Variants in RAI14 observed in about 807,000 individuals in gnomAD.
RAI14 encodes ankycorbin.
A neutral mutation model predicts 115.4 loss-of-function variants in RAI14; 45 were observed. The ratio of observed to expected loss-of-function variants is 0.39; its 90% confidence interval spans 0.31 to 0.50. The LOEUF is 0.50. Among genes scored for constraint, RAI14 ranks in the 20% least tolerant of loss-of-function variants. The pLI, the probability that RAI14 is intolerant of heterozygous loss-of-function variation, is 0.85. For synonymous variants in RAI14, 371 were observed against 415.4 expected (o/e 0.89, Z 1.30); for missense variants, 939 against 1,131.2 (o/e 0.83, Z 2.44).
At chr5:34,712,552 A>G (rs770655090) in intron 2 of RAI14, among the ~76,000 whole-genome samples, 2 of 152,210 alleles carry the variant, frequency 1.3e-5, no homozygotes, top group Non-Finnish European at 2.9e-5. Flanking sequence ...CTACTTTTCA[A>G]GTCTGTTTAT....
intron 2 of RAI14, among the ~76,000 whole-genome samples, chr5:34,750,918 T>G (rs994217341): frequency 7.4e-6 from 1 of 134,594 alleles, no homozygotes; most frequent in African/African-American, 2.8e-5. Context: ...AATGGTGCGA[T>G]CTCAGCTCAC....
chr5:34,748,581 G>A (rs1259492877), intron 2 of RAI14, among the ~76,000 whole-genome samples: 1 of 152,148 alleles, frequency 6.6e-6, no homozygotes, highest in East Asian at 1.9e-4. Context: ...CCTTGCTAGT[G>A]TGTCAATTCA....
chr5:34,755,410 G>A (rs1450319492), intron 2 of RAI14, among the ~76,000 whole-genome samples: 3 of 152,148 alleles, frequency 2.0e-5, no homozygotes, highest in African/African-American at 7.2e-5. Flanking sequence ...GGTCTACATG[G>A]TGGCCTCTGG....
At chr5:34,702,210 C>A (rs1356611634) in intron 2 of RAI14, among the ~76,000 whole-genome samples, 60 of 152,332 alleles carry the variant, frequency 3.9e-4, no homozygotes, top group Non-Finnish European at 8.8e-5. Flanking sequence ...AGACTCTAGA[C>A]AACCTCCTCC....
At chr5:34,795,834 A>C in intron 3 of RAI14, 105 bp from the exon 4 acceptor site, 7 of 799,772 alleles carry the variant, frequency 8.8e-6, no homozygotes, top group Non-Finnish European at 6.1e-6. Flanking sequence ...AGCTCAAGGA[A>C]GAGAAAGTGT....
At chr5:34,762,928 CATGT>C (rs1308205287) in intron 3 of RAI14, among the ~76,000 whole-genome samples, 37 of 98,922 alleles carry the variant, frequency 3.7e-4, no homozygotes, top group African/African-American at 1.1e-3. Context: ...GGAGTGTGTG[CATGT>C]GTGTGTGTGT....
intron 3 of RAI14, among the ~76,000 whole-genome samples, chr5:34,769,527 A>G (rs1749875983): frequency 6.6e-6 from 1 of 152,196 alleles, no homozygotes; most frequent in Non-Finnish European, 1.5e-5. Flanking sequence ...TCAGTGACCT[A>G]GAATTTAGAT....
chr5:34,725,392 C>T (rs1263815713), intron 2 of RAI14, among the ~76,000 whole-genome samples: 2 of 151,920 alleles, frequency 1.3e-5, no homozygotes. Flanking sequence ...GGAAGAAAGA[C>T]ATTGTGAGCT....
Position 34,716,935 on chromosome 5 carries a change from C to G in RAI14, c.36+29980C>G, listed in dbSNP as rs373406492. The G allele has an allele frequency of 2.6e-4, 40 of 152,294 alleles. No homozygotes were observed. In the East Asian group the frequency reaches 2.9e-3, roughly 11 times the overall value. 9.4% of individuals were successfully genotyped at this position (152,294 alleles called of 1,614,324 possible). On this transcript the variant is annotated intron_variant, in intron 2 of 17. Coordinates refer to ENST00000265109, the MANE Select transcript of RAI14 (RefSeq NM_015577.3). The stretch of plus-strand genomic sequence containing the variant: ...TGATGGAGGATCCTGCAGGCTGCAG[C>G]CTCATCCCCCTCACAATGTATTTTT...
intron 7 of RAI14, among the ~76,000 whole-genome samples, chr5:34,809,405 T>C (rs1755319123): frequency 6.6e-6 from 1 of 152,230 alleles, no homozygotes; most frequent in South Asian, 2.1e-4. Context: ...GATGTTAATA[T>C]CGTTCTCAAA....
At chr5:34,777,022 T>G (rs1186789410) in intron 3 of RAI14, among the ~76,000 whole-genome samples, 2 of 151,516 alleles carry the variant, frequency 1.3e-5, no homozygotes, top group African/African-American at 4.9e-5. Flanking sequence ...AATACAAAAA[T>G]TAGCCAGGCA....
At chr5:34,688,085 C>A in intron 2 of RAI14, 1 of 1,460,450 alleles carries the variant, frequency 6.8e-7, no homozygotes, top group Non-Finnish European at 9.0e-7. Context: ...AAATAAAACT[C>A]ATAGAGTGCA....
chr5:34,770,021 G>A (rs976725968), intron 3 of RAI14, among the ~76,000 whole-genome samples: 1 of 151,932 alleles, frequency 6.6e-6, no homozygotes. Flanking sequence ...GAGCCACTGC[G>A]CTCAGCTCCA....
At chr5:34,768,232 C>A (rs1014154317) in intron 3 of RAI14, among the ~76,000 whole-genome samples, 1 of 151,372 alleles carries the variant, frequency 6.6e-6, no homozygotes, top group African/African-American at 2.4e-5. Context: ...TTCTGCACTG[C>A]CCTAGCAGAG....
intron 3 of RAI14, among the ~76,000 whole-genome samples, chr5:34,759,357 C>A (rs13174768): frequency 0.045 from 6,774 of 152,220 alleles, 208 homozygotes; most frequent in Non-Finnish European, 0.07. Context: ...GGTCACAGAC[C>A]GGACTGGTAC....
chr5:34,753,948 G>T (rs572929804), intron 2 of RAI14, among the ~76,000 whole-genome samples: 3 of 151,802 alleles, frequency 2.0e-5, no homozygotes, highest in Admixed American at 2.0e-4. Context: ...AGGCATGGTG[G>T]CAGATGCCTG....
chr5:34,676,978 C>A (rs1051692656), intron 1 of RAI14, among the ~76,000 whole-genome samples: 1 of 152,122 alleles, frequency 6.6e-6, no homozygotes, highest in African/African-American at 2.4e-5. Context: ...AAACCTGTAC[C>A]TTTGTTAATT....
intron 2 of RAI14, among the ~76,000 whole-genome samples, chr5:34,691,342 A>C (rs1437595813): frequency 6.6e-6 from 1 of 152,242 alleles, no homozygotes; most frequent in African/African-American, 2.4e-5. Context: ...AGTTTTAAAA[A>C]TGGATAGATT....
chr5:34,770,716 G>T (rs923722728), intron 3 of RAI14, among the ~76,000 whole-genome samples: 9 of 152,180 alleles, frequency 5.9e-5, no homozygotes, highest in African/African-American at 2.2e-4. Context: ...AGAGAGCCCA[G>T]TGAATAGGGA....
Sources: gnomAD v4.1 joint callset for allele counts (sites outside exome capture counted in the v4.1 genomes callset) on GRCh38, gnomAD v4.1.1 for gene constraint, MANE v1.5 for transcripts, NCBI Gene and HGNC (gene_info 2026-07-23, HGNC 2026-07-21) for gene names.